DNAH9: variants seen among roughly 807,000 people sequenced by gnomAD.
The protein encoded by DNAH9 is dynein axonemal heavy chain 9, also known as DNAH9 variant protein.
In DNAH9, 345 loss-of-function variants were observed where a neutral mutation model predicts 471.6. That is an observed-to-expected ratio of 0.73 (90% CI 0.67 to 0.80). The LOEUF (loss-of-function observed/expected upper bound fraction) is 0.80. Ranked by LOEUF, DNAH9 falls within the 30% of genes least tolerant of loss-of-function variation. DNAH9 has a pLI of 0.00. For missense variants in DNAH9, 5,407 were observed against 5,609.2 expected, an observed-to-expected ratio of 0.96 and a Z score of 1.15; for synonymous variants, 2,093 against 2,123.6, an observed-to-expected ratio of 0.99 and a Z score of 0.40.
At chr17:11,646,996 A>T in intron 11 of DNAH9, 76 bp from the exon 12 acceptor site, 1 of 1,499,236 alleles carries the variant, frequency 6.7e-7, no homozygotes, top group Non-Finnish European at 9.1e-7. Context: ...TCTTCAATTT[A>T]TGTTACAGAT....
intron 19 of DNAH9, 134 bp downstream of exon 19, chr17:11,681,023 C>T (rs150676759): frequency 4.7e-4 from 410 of 867,364 alleles, no homozygotes; most frequent in Non-Finnish European, 6.8e-4. Flanking sequence ...CATTTAGGAC[C>T]TTTGGTTGAA....
At chr17:11,750,282 A>AT (rs1035676784) in intron 32 of DNAH9, among the ~76,000 whole-genome samples, 8 of 151,246 alleles carry the variant, frequency 5.3e-5, no homozygotes, top group African/African-American at 1.7e-4. Flanking sequence ...AAAAAAAAAA[A>AT]TTTTTTGGAT....
At chr17:11,926,062 A>AG (rs1974312568) in intron 62 of DNAH9, among the ~76,000 whole-genome samples, 1 of 127,526 alleles carries the variant, frequency 7.8e-6, no homozygotes, top group Non-Finnish European at 1.7e-5. Context: ...AAAAAAAAAA[A>AG]GCTGGGGGGG....
chr17:11,695,258 T>C (rs887530919), intron 22 of DNAH9, among the ~76,000 whole-genome samples: 9 of 152,048 alleles, frequency 5.9e-5, no homozygotes, highest in Non-Finnish European at 1.3e-4. Flanking sequence ...GAGGCTAATC[T>C]CTAACAAAGA....
intron 14 of DNAH9, among the ~76,000 whole-genome samples, chr17:11,662,747 CTTTTTTTTTTTTTTT>C (rs71142226): frequency 2.2e-5 from 1 of 45,436 alleles, no homozygotes. Context: ...TTGAGGCTCG[CTTTTTTTTTTTTTTT>C]TTTTTTTTTT....
chr17:11,850,323 G>T (rs955079793), intron 49 of DNAH9, among the ~76,000 whole-genome samples: 1 of 152,132 alleles, frequency 6.6e-6, no homozygotes, highest in African/African-American at 2.4e-5. Flanking sequence ...AGCCCAGAGC[G>T]CCTGTGCCTA....
intron 63 of DNAH9, among the ~76,000 whole-genome samples, chr17:11,930,765 C>CAAAAAAAAAAAAAAAAAAAAAAAAAA (rs11371438): frequency 2.4e-5 from 3 of 125,174 alleles, no homozygotes; most frequent in African/African-American, 9.5e-5. Context: ...ACTCCATCTC[C>CAAAAAAAAAAAAAAAAAAAAAAAAAA]AAAAAAAAAA....
At chr17:11,744,241 G>A (rs2075479399) in intron 30 of DNAH9, among the ~76,000 whole-genome samples, 1 of 152,080 alleles carries the variant, frequency 6.6e-6, no homozygotes, top group South Asian at 2.1e-4. Flanking sequence ...GCTCTGTTCT[G>A]CCCACTACAG....
intron 48 of DNAH9, among the ~76,000 whole-genome samples, chr17:11,826,824 T>TTC (rs1314167125): frequency 7.1e-6 from 1 of 141,200 alleles, no homozygotes; most frequent in African/African-American, 2.7e-5. Context: ...TACTTTCTTT[T>TTC]TTTTTTTTTT....
chr17:11,608,045 T>C (rs1035670584), intron 1 of DNAH9, 84 bp from the exon 2 acceptor site: 105 of 1,120,794 alleles, frequency 9.4e-5, no homozygotes, highest in South Asian at 6.6e-4. Context: ...GTATATAGCT[T>C]TATAAGCCTT....
chr17:11,952,778 G>A (rs1014534532), intron 67 of DNAH9, among the ~76,000 whole-genome samples: 1 of 151,932 alleles, frequency 6.6e-6, no homozygotes, highest in African/African-American at 2.4e-5. Context: ...CTCTCTCCTG[G>A]TTCTCTTCTC....
At chr17:11,779,894 C>T (rs566922668) in intron 38 of DNAH9, among the ~76,000 whole-genome samples, 7 of 152,128 alleles carry the variant, frequency 4.6e-5, no homozygotes, top group East Asian at 3.9e-4. Flanking sequence ...TTAGAATATT[C>T]GAGCTTCTTG....
At chr17:11,728,013 T>G (rs2075186710) in intron 28 of DNAH9, 91 bp downstream of exon 28, 1 of 801,356 alleles carries the variant, frequency 1.2e-6, no homozygotes, top group African/African-American at 1.7e-5. Context: ...CTCCTGAGCA[T>G]CTACGTCCCT....
At position 11,744,869 on chromosome 17, in the gene DNAH9, C is replaced by A; in HGVS notation, c.6184C>A (p.Pro2062Thr). 6.2e-7 allele frequency: 1 copy of A among 1,614,144 alleles called. No homozygotes were observed. The highest frequency in any genetic ancestry group is 1.1e-5 in the South Asian group (1 of 91,088). The change falls in exon 31 of 69, where the codon CCT becomes ACT. Residue 2062 changes from proline (P) to threonine (T), a missense_variant. By Grantham distance (38) the Pro-to-Thr change is conservative. Coordinates refer to ENST00000262442, the MANE Select transcript of DNAH9 (RefSeq NM_001372.4). ...GGCAGGATCCCTGAAGAGAGGAGAC[C>A]CTGACCGGCCTGAGGACCAGGTCCT... Reference protein sequence around the residue: ...VVAGSLKRGDPDRPEDQVLMR... With the variant: ...VVAGSLKRGDTDRPEDQVLMR...
intron 68 of DNAH9, among the ~76,000 whole-genome samples, chr17:11,969,054 C>A (rs1027488638): frequency 6.6e-6 from 1 of 152,188 alleles, no homozygotes; most frequent in Non-Finnish European, 1.5e-5. Context: ...CAAAGGGATT[C>A]ATTTGTATAT....
At chr17:11,858,807 G>A (rs528964313) in intron 50 of DNAH9, among the ~76,000 whole-genome samples, 9 of 152,172 alleles carry the variant, frequency 5.9e-5, no homozygotes, top group South Asian at 2.1e-4. Context: ...TTTAATGGCC[G>A]GCACAGTGCC....
chr17:11,598,541 G>GCGGATGGGGAACC lies in DNAH9; in HGVS notation c.47_59dup (p.Ala21TrpfsTer35). ...GCGGGCCGCGCTCGCGGCGGAGAAC[G>GCGGATGGGGAACC]CGGATGGGGAACCCGGCGCCGACCG... On this transcript the variant is annotated frameshift_variant, in exon 1 of 69. Transcript: ENST00000262442. LOFTEE classifies it high-confidence loss of function. 7.1e-7 allele frequency: 1 copy of GCGGATGGGGAACC among 1,408,548 alleles called. No individual in the cohort carries two copies. The highest frequency in any genetic ancestry group is 1.5e-5 in the South Asian group (1 of 65,552). 87.3% of individuals were successfully genotyped at this position (1,408,548 alleles called of 1,614,324 possible).
chr17:11,830,362 CT>C (rs1458477513), intron 48 of DNAH9, among the ~76,000 whole-genome samples: 1 of 152,160 alleles, frequency 6.6e-6, no homozygotes, highest in East Asian at 1.9e-4. Flanking sequence ...TATAAAAGAC[CT>C]CAAGGCCATT....
At chr17:11,839,987 A>G (rs755869536) in intron 49 of DNAH9, among the ~76,000 whole-genome samples, 8 of 152,214 alleles carry the variant, frequency 5.3e-5, no homozygotes, top group South Asian at 2.1e-4. Context: ...TACAGCTGCT[A>G]TGGAAAACAG....
Sources: allele counts gnomAD v4.1 joint callset (sites outside exome capture counted in the v4.1 genomes callset), GRCh38; gene constraint gnomAD v4.1.1; transcripts MANE v1.5; gene names NCBI Gene and HGNC (gene_info 2026-07-23, HGNC 2026-07-21).